Variants in SH3BP5 observed in about 807,000 individuals in gnomAD.
The protein encoded by SH3BP5 is SH3 domain-binding protein 5.
In SH3BP5, 22 loss-of-function variants were observed where a neutral mutation model predicts 43.3. The observed-to-expected ratio is 0.51, with a 90% CI of 0.36 to 0.73. SH3BP5 has a LOEUF of 0.73. SH3BP5 is among the 30% of genes least tolerant of loss of function. The pLI is 0.00. For synonymous variants in SH3BP5, 255 were observed against 225.8 expected (o/e 1.13, Z -1.16); for missense variants, 529 against 586.9 (o/e 0.90, Z 1.02).
chr3:15,277,554 C>G (rs1192239924), intron 3 of SH3BP5, among the ~76,000 whole-genome samples: 1 of 152,098 alleles, frequency 6.6e-6, no homozygotes, highest in Non-Finnish European at 1.5e-5. Context: ...ATCCTGAAAG[C>G]CCTCATGCCT....
intron 3 of SH3BP5, chr3:15,273,064 C>T (rs1696863147): frequency 2.2e-6 from 2 of 894,264 alleles, no homozygotes; most frequent in Non-Finnish European, 2.7e-6. Flanking sequence ...GCAGAGGGAA[C>T]CTGTCACCTT....
chr3:15,274,275 G>T (rs13317490), intron 3 of SH3BP5, among the ~76,000 whole-genome samples: 3 of 151,786 alleles, frequency 2.0e-5, no homozygotes, highest in African/African-American at 2.4e-5. Context: ...AAGAAAGAAA[G>T]AAATACCTGA....
At chr3:15,267,131 TCA>T (rs1210010605) in intron 4 of SH3BP5, among the ~76,000 whole-genome samples, 5 of 152,232 alleles carry the variant, frequency 3.3e-5, no homozygotes, top group Non-Finnish European at 7.3e-5. Context: ...AGCCCTTTGA[TCA>T]CACAGCTTTC....
intron 3 of SH3BP5, among the ~76,000 whole-genome samples, chr3:15,286,590 C>G (rs952860237): frequency 2.0e-5 from 3 of 152,200 alleles, no homozygotes; most frequent in Admixed American, 2.0e-4. Flanking sequence ...CTCTGTCGCC[C>G]AGGCTACAGT....
At chr3:15,290,596 G>A (rs1697386991) in intron 3 of SH3BP5, among the ~76,000 whole-genome samples, 1 of 151,872 alleles carries the variant, frequency 6.6e-6, no homozygotes, top group Non-Finnish European at 1.5e-5. Context: ...CTACTTGGGA[G>A]GCTGAGGCAG....
intron 3 of SH3BP5, among the ~76,000 whole-genome samples, chr3:15,272,776 A>C (rs1696853409): frequency 6.6e-6 from 1 of 152,218 alleles, no homozygotes; most frequent in Non-Finnish European, 1.5e-5. Context: ...GAAGACCTTG[A>C]ATGAATGCCA....
At chr3:15,302,608 T>G (rs1422885166) in intron 3 of SH3BP5, among the ~76,000 whole-genome samples, 3 of 152,048 alleles carry the variant, frequency 2.0e-5, no homozygotes, top group Non-Finnish European at 4.4e-5. Context: ...GAGAGGTGCA[T>G]GGAAATAGGA....
intron 2 of SH3BP5, among the ~76,000 whole-genome samples, chr3:15,328,360 A>G (rs1575355863): frequency 6.6e-6 from 1 of 151,996 alleles, no homozygotes; most frequent in East Asian, 1.9e-4. Flanking sequence ...CATCTTGTTC[A>G]TTACCCAGAA....
At position 15,256,992 on chromosome 3, in the gene SH3BP5, C is replaced by T; in HGVS notation, c.1011G>A (p.Gln337=). Residue 337 remains glutamine, a synonymous_variant, in exon 8 of 9, where the codon CAG becomes CAA. Transcript: ENST00000383791. The part of the protein sequence containing the change: ...GPTSPSEMPD[Q]FPAVVRPGSL... ...TGCCAGGCCTCACAACCGCAGGGAA[C>T]TGGTCAGGCATCTCAGACGGGCTTG... 6.2e-7 allele frequency: 1 copy of T among 1,614,224 alleles called. No homozygotes were observed. Among genetic ancestry groups the T allele is most frequent in the Non-Finnish European group, 8.5e-7 (1 of 1,180,042 alleles).
chr3:15,294,727 GA>G (rs1486891308), intron 3 of SH3BP5, among the ~76,000 whole-genome samples: 8 of 152,190 alleles, frequency 5.3e-5, no homozygotes, highest in African/African-American at 1.9e-4. Context: ...GCAAAAAATG[GA>G]GCTGCCATTA....
chr3:15,325,466 C>T (rs1239955623), intron 2 of SH3BP5, among the ~76,000 whole-genome samples: 1 of 152,240 alleles, frequency 6.6e-6, no homozygotes, highest in Admixed American at 6.5e-5. Context: ...GGCTTGCTCA[C>T]TCTCTCCAGA....
chr3:15,257,222 C>G (rs987294059), intron 7 of SH3BP5, 109 bp from the exon 8 acceptor site: 2 of 1,153,396 alleles, frequency 1.7e-6, no homozygotes, highest in African/African-American at 3.1e-5. Flanking sequence ...TAAAGAGTCT[C>G]TACCTCTGTG....
intron 3 of SH3BP5, among the ~76,000 whole-genome samples, chr3:15,278,289 T>C (rs896652528): frequency 2.0e-5 from 3 of 152,112 alleles, no homozygotes; most frequent in African/African-American, 4.8e-5. Context: ...TCAAAAACCT[T>C]TGAAAACATG....
intron 3 of SH3BP5, among the ~76,000 whole-genome samples, chr3:15,295,598 T>A (rs1187916021): frequency 3.3e-5 from 5 of 152,216 alleles, no homozygotes; most frequent in Admixed American, 2.0e-4. Context: ...TGAGCTTCGT[T>A]CAGGCAGAAG....
intron 3 of SH3BP5, among the ~76,000 whole-genome samples, 167 bp from the exon 4 acceptor site, chr3:15,270,044 C>T (rs1696755810): frequency 6.6e-6 from 1 of 152,188 alleles, no homozygotes; most frequent in African/African-American, 2.4e-5. Flanking sequence ...GGCAATGGAC[C>T]CCTGATGGGG....
intron 3 of SH3BP5, among the ~76,000 whole-genome samples, chr3:15,301,959 C>A (rs1050501106): frequency 4.6e-5 from 7 of 152,078 alleles, no homozygotes; most frequent in Non-Finnish European, 8.8e-5. Flanking sequence ...AGCATGGGCA[C>A]GTGGGCTGCT....
chr3:15,280,998 A>G (rs149267620), intron 3 of SH3BP5, among the ~76,000 whole-genome samples: 53 of 152,302 alleles, frequency 3.5e-4, no homozygotes, highest in South Asian at 3.1e-3. Flanking sequence ...GGTGGCAGAG[A>G]ACTGGAATAT....
chr3:15,293,060 A>G (rs1040019801), intron 3 of SH3BP5, among the ~76,000 whole-genome samples: 1 of 152,208 alleles, frequency 6.6e-6, no homozygotes, highest in East Asian at 1.9e-4. Flanking sequence ...CCAAGTTTCC[A>G]AAGTGCAGCT....
chr3:15,313,588 A>G (rs181162678), intron 2 of SH3BP5, among the ~76,000 whole-genome samples: 7 of 152,328 alleles, frequency 4.6e-5, no homozygotes, highest in Non-Finnish European at 7.4e-5. Context: ...CATCCAATCT[A>G]TTCTCTAAGA....
Sources: gnomAD v4.1 joint callset for allele counts (sites outside exome capture counted in the v4.1 genomes callset) on GRCh38, gnomAD v4.1.1 for gene constraint, MANE v1.5 for transcripts, NCBI Gene and HGNC (gene_info 2026-07-23, HGNC 2026-07-21) for gene names.